GLA: variants seen among roughly 807,000 people sequenced by gnomAD.
GLA encodes the protein alpha-galactosidase A.
A neutral mutation model predicts 28.2 loss-of-function variants in GLA; 4 were observed. The observed-to-expected ratio is 0.14, with a 90% CI of 0.07 to 0.32. The LOEUF (loss-of-function observed/expected upper bound fraction) is 0.32. Among genes scored for constraint, GLA ranks in the 10% least tolerant of loss-of-function variants. The pLI is 1.00. For synonymous variants in GLA, 94 were observed against 113.0 expected (o/e 0.83, Z 1.07); for missense variants, 203 against 323.7 (o/e 0.63, Z 2.86).
chrX:101,399,032 T>C (rs1435603648), intron 4 of GLA, 86 bp from the exon 5 acceptor site: 2 of 819,437 alleles, frequency 2.4e-6, no homozygotes, highest in Non-Finnish European at 3.7e-6. Flanking sequence ...ACTTGTAGCC[T>C]TCTCTTGAGT....
chrX:101,405,513 A>G (rs1928474487), intron 1 of GLA, among the ~76,000 whole-genome samples: 1 of 112,281 alleles, frequency 8.9e-6, no homozygotes. Flanking sequence ...GGACTTTCTC[A>G]GCATGACCCC....
intron 1 of GLA, among the ~76,000 whole-genome samples, chrX:101,407,461 C>CGAGAGAGAGAGAGAGA (rs782246787): frequency 2.4e-4 from 25 of 103,728 alleles, no homozygotes; most frequent in Middle Eastern, 4.9e-3. Context: ...AGAAGGAGAA[C>CGAGAGAGAGAGAGAGA]GAGAGAGAGA....
Position 101,407,889 on chromosome X carries a change from G to T in GLA, c.15C>A (p.Asn5Lys). The change falls in exon 1 of 7, where the codon AAC becomes AAA. Residue 5 changes from asparagine to lysine, a missense_variant. Asn to Lys is a moderately conservative substitution (Grantham distance 94). This residue lies in a region of GLA where 30 missense variants were observed against 32.2 expected (regional missense o/e 0.93). Transcript: ENST00000218516. MQLR[N>K]PELHLGCALA... is the part of the protein sequence containing the mutation. The stretch of plus-strand genomic sequence containing the variant: ...GCGCGCAGCCCAGATGTAGTTCTGG[G>T]TTCCTCAGCTGCATTGTCACGGTGA... 8.3e-7 allele frequency: 1 copy of T among 1,210,699 alleles called. No homozygotes were observed. The highest frequency in any genetic ancestry group is 1.1e-6 in the Non-Finnish European group (1 of 894,398).
chrX:101,400,899 G>A (rs781827688), intron 3 of GLA, 142 bp from the exon 4 acceptor site: 63 of 337,791 alleles, frequency 1.9e-4, no homozygotes, highest in Non-Finnish European at 2.5e-4. Flanking sequence ...GCAGTGGTGC[G>A]ATCTTGGCTC....
At chrX:101,402,539 C>T (rs1276797141) in intron 2 of GLA, among the ~76,000 whole-genome samples, 4 of 111,023 alleles carry the variant, frequency 3.6e-5, no homozygotes, top group Non-Finnish European at 3.8e-5. Flanking sequence ...CCAAGGTGGG[C>T]GGATTACAAG....
intron 1 of GLA, among the ~76,000 whole-genome samples, chrX:101,405,097 G>A (rs1928452789): frequency 9.2e-6 from 1 of 109,157 alleles, no homozygotes; most frequent in South Asian, 4.0e-4. Flanking sequence ...ATAGCTAGGC[G>A]TGGTGGCGCA....
chrX:101,400,503 G>T lies in GLA; in HGVS notation c.639+163C>A, dbSNP rs1324117628. On this transcript the variant is annotated intron_variant, in intron 4 of 6. Coordinates refer to ENST00000218516, the MANE Select transcript of GLA (RefSeq NM_000169.3). ...GACTTTCCAGGTGATGGTAGCTTAG[G>T]CTATAATTACAGCAGTGGGGATGGT... 2.7e-5 allele frequency among the ~76,000 whole-genome samples: 3 copies of T among 112,312 alleles called. 1 individual carries two copies. Among genetic ancestry groups the T allele is most frequent in the African/African-American group, 9.7e-5 (3 of 30,884 alleles).
intron 4 of GLA, among the ~76,000 whole-genome samples, chrX:101,399,433 C>T (rs782488879): frequency 1.8e-3 from 197 of 111,711 alleles, no homozygotes; most frequent in African/African-American, 6.0e-3. Flanking sequence ...GATGTGGTAG[C>T]GCACGCCTAT....
chrX:101,407,909 C>T lies in GLA; in HGVS notation c.-6G>A, dbSNP rs1462658895. The T allele has an allele frequency of 4.1e-6, 5 of 1,205,095 alleles. No individual in the cohort carries two copies. The highest frequency in any genetic ancestry group is 5.6e-6 in the Non-Finnish European group (5 of 889,628). ...TCTGGGTTCCTCAGCTGCATTGTCA[C>T]GGTGACCGGACAGCATAAATTTCCG... is the stretch of plus-strand genomic sequence containing the variant. On this transcript the variant is annotated 5_prime_UTR_variant, in exon 1 of 7. In the 5' UTR this introduces an upstream ATG that the reference lacks. Coordinates refer to ENST00000218516, the MANE Select transcript of GLA (RefSeq NM_000169.3).
At chrX:101,401,599 C>G in intron 3 of GLA, 33 bp downstream of exon 3, 1 of 1,175,600 alleles carries the variant, frequency 8.5e-7, no homozygotes, top group Non-Finnish European at 1.2e-6. Flanking sequence ...AAGTTCTTTC[C>G]TTTGTGGCTA....
chrX:101,399,005 AAC>A (rs781848344), intron 4 of GLA, 59 bp from the exon 5 acceptor site: 49 of 1,049,258 alleles, frequency 4.7e-5, no homozygotes, highest in Non-Finnish European at 6.1e-5. Flanking sequence ...GTGAGATGAA[AAC>A]AGTTTAAAGG....
At chrX:101,405,236 CAAAA>C (rs11448515) in intron 1 of GLA, among the ~76,000 whole-genome samples, 1 of 35,568 alleles carries the variant, frequency 2.8e-5, no homozygotes, top group Non-Finnish European at 5.8e-5. Flanking sequence ...AACTCCAGCT[CAAAA>C]AAAAAAAAAA....
chrX:101,400,000 A>G (rs1482654368), intron 4 of GLA, among the ~76,000 whole-genome samples: 2 of 111,199 alleles, frequency 1.8e-5, no homozygotes, highest in Non-Finnish European at 3.8e-5. Context: ...TGGGGCAGCA[A>G]TAGGCTTGCA....
At chrX:101,401,055 C>T (rs869312331) in intron 3 of GLA, among the ~76,000 whole-genome samples, 1 of 110,636 alleles carries the variant, frequency 9.0e-6, no homozygotes, top group Admixed American at 9.6e-5. Context: ...AGGGTGGTCT[C>T]GAACTCCTGA....
intron 4 of GLA, 64 bp from the exon 5 acceptor site, chrX:101,399,010 T>C: frequency 1.0e-6 from 1 of 985,885 alleles, no homozygotes; most frequent in Admixed American, 2.2e-5. Flanking sequence ...ATGAAAACAG[T>C]TTAAAGGAGG....
intron 1 of GLA, among the ~76,000 whole-genome samples, chrX:101,405,849 T>C (rs942171195): frequency 1.7e-4 from 18 of 104,529 alleles, no homozygotes; most frequent in Non-Finnish European, 2.9e-4. Context: ...ACCCGGGAGG[T>C]GGAGTTTGCA....
intron 5 of GLA, 89 bp downstream of exon 5, chrX:101,398,696 C>T: frequency 9.2e-7 from 1 of 1,086,997 alleles, no homozygotes; most frequent in South Asian, 1.8e-5. Context: ...AAGCCTCCTC[C>T]CAGGAACTTT....
chrX:101,399,906 G>A (rs962921252), intron 4 of GLA: 13 of 111,950 alleles, frequency 1.2e-4, no homozygotes, highest in African/African-American at 4.2e-4. Flanking sequence ...TTTGGTCTGC[G>A]ACTTCAATGT....
chrX:101,398,251 A>G, intron 6 of GLA, 119 bp downstream of exon 6: 2 of 770,454 alleles, frequency 2.6e-6, no homozygotes, highest in Admixed American at 4.6e-5. Context: ...TAATGTTTCT[A>G]GCAAGAAGCT....
Sources: allele counts gnomAD v4.1 joint callset (sites outside exome capture counted in the v4.1 genomes callset), GRCh38; gene constraint gnomAD v4.1.1; regional missense constraint gnomAD v4.1.1; transcripts MANE v1.5; gene names NCBI Gene and HGNC (gene_info 2026-07-23, HGNC 2026-07-21).